Variants in HYCC2 observed in about 807,000 individuals in gnomAD.
HYCC2 encodes the protein hyccin PI4KA lipid kinase complex subunit 2.
At chr2:201,018,688 C>T in the HYCC2 span, among the ~76,000 whole-genome samples, 1 of 152,004 alleles carries the variant, frequency 6.6e-6, no homozygotes, top group African/African-American at 2.4e-5. Context: ...AAAAATTTTC[C>T]AGAGGCTGGG....
At chr2:201,041,203 G>A in the HYCC2 span, among the ~76,000 whole-genome samples, 2 of 152,182 alleles carry the variant, frequency 1.3e-5, no homozygotes, top group African/African-American at 4.8e-5. Flanking sequence ...TCATCTAATA[G>A]ATAAGAAAAT....
the HYCC2 span, among the ~76,000 whole-genome samples, chr2:201,045,831 T>A: frequency 6.6e-6 from 1 of 152,174 alleles, no homozygotes; most frequent in Middle Eastern, 3.2e-3. Flanking sequence ...CCATTAATTA[T>A]CTATAAGACC....
the HYCC2 span, chr2:200,997,568 G>C: frequency 7.0e-7 from 1 of 1,424,910 alleles, no homozygotes; most frequent in Non-Finnish European, 9.9e-7. Context: ...AAGGTTAAAA[G>C]GATTACAAAT....
chr2:200,992,294 G>A, the HYCC2 span: 2 of 1,606,628 alleles, frequency 1.2e-6, no homozygotes, highest in East Asian at 4.5e-5. Context: ...TAGTGGTTGA[G>A]AAAAAAGCTC....
At chr2:200,989,913 A>G in the HYCC2 span, among the ~76,000 whole-genome samples, 366 of 152,314 alleles carry the variant, frequency 2.4e-3, 3 homozygotes, top group African/African-American at 8.5e-3. Flanking sequence ...TTATCAAAAT[A>G]TTACAAAAAG....
chr2:201,017,220 CTGT>C, the HYCC2 span: 8 of 1,425,762 alleles, frequency 5.6e-6, no homozygotes, highest in Non-Finnish European at 6.6e-6. Flanking sequence ...TTGGTTGTAA[CTGT>C]TGTTTTTTTT....
At chr2:201,028,314 G>T in the HYCC2 span, among the ~76,000 whole-genome samples, 1 of 151,872 alleles carries the variant, frequency 6.6e-6, no homozygotes, top group Non-Finnish European at 1.5e-5. Flanking sequence ...AATAAAAGAG[G>T]GCACAAAAAA....
the HYCC2 span, among the ~76,000 whole-genome samples, chr2:201,055,383 G>GA: frequency 0.07 from 6,511 of 93,424 alleles, 449 homozygotes; most frequent in African/African-American, 0.2. Context: ...ATTCCATCTC[G>GA]AAAAAAAAAA....
chr2:201,034,674 G>A, the HYCC2 span, among the ~76,000 whole-genome samples: 2 of 152,088 alleles, frequency 1.3e-5, no homozygotes, highest in African/African-American at 4.8e-5. Context: ...TATTTTGCTC[G>A]TTAGTTGATG....
the HYCC2 span, among the ~76,000 whole-genome samples, chr2:201,049,918 T>A: frequency 6.6e-6 from 1 of 152,018 alleles, no homozygotes; most frequent in African/African-American, 2.4e-5. Context: ...CAGGCAGGTC[T>A]TGAACTCCTG....
At chr2:200,986,132 G>A in the HYCC2 span, among the ~76,000 whole-genome samples, 364 of 152,280 alleles carry the variant, frequency 2.4e-3, 1 homozygote, top group Non-Finnish European at 3.0e-3. Flanking sequence ...AAAAGGGAAC[G>A]CTGCCATCTT....
chr2:201,008,936 C>T, the HYCC2 span: 1 of 1,191,140 alleles, frequency 8.4e-7, no homozygotes, highest in Non-Finnish European at 1.3e-6. Context: ...TGCATACATA[C>T]ATACAAGTTG....
chr2:201,041,225 T>G, the HYCC2 span, among the ~76,000 whole-genome samples: 1 of 152,180 alleles, frequency 6.6e-6, no homozygotes, highest in Non-Finnish European at 1.5e-5. Context: ...AAAGTGTAAA[T>G]GGGTGTGTGA....
the HYCC2 span, chr2:201,067,124 A>C: frequency 4.2e-6 from 1 of 239,908 alleles, no homozygotes; most frequent in Admixed American, 4.0e-5. Context: ...GAAGAGAAGA[A>C]GGCTTATGTT....
chr2:201,031,629 C>T, the HYCC2 span, among the ~76,000 whole-genome samples: 1 of 152,060 alleles, frequency 6.6e-6, no homozygotes, highest in Non-Finnish European at 1.5e-5. Flanking sequence ...CTAGCGTGGG[C>T]GACAAGCAAA....
chr2:201,019,922 T>C, the HYCC2 span, among the ~76,000 whole-genome samples: 1 of 151,854 alleles, frequency 6.6e-6, no homozygotes, highest in African/African-American at 2.4e-5. Context: ...ACTCTGTCTT[T>C]AGAAAATAAA....
the HYCC2 span, chr2:200,973,842 A>C: frequency 2.0e-5 from 3 of 152,090 alleles, no homozygotes; most frequent in Non-Finnish European, 4.4e-5. Flanking sequence ...AACATCTAAG[A>C]TATGTTTCTG....
chr2:201,022,224 GATA>G, the HYCC2 span: 242 of 512,534 alleles, frequency 4.7e-4, no homozygotes, highest in African/African-American at 4.1e-3. Flanking sequence ...TTAATGGAAA[GATA>G]ATGTGTGTAT....
the HYCC2 span, among the ~76,000 whole-genome samples, chr2:201,042,176 T>G: frequency 6.6e-6 from 1 of 152,230 alleles, no homozygotes; most frequent in Non-Finnish European, 1.5e-5. Flanking sequence ...CGGGCTGGTC[T>G]CCAGCTCCTG....
Sources: allele counts gnomAD v4.1 joint callset (sites outside exome capture counted in the v4.1 genomes callset), GRCh38; gene constraint gnomAD v4.1.1; transcripts MANE v1.5; gene names NCBI Gene and HGNC (gene_info 2026-07-23, HGNC 2026-07-21).